Variants in RTN1 observed in about 807,000 individuals in gnomAD.
RTN1 encodes the protein reticulon-1.
RTN1 carries 25 observed loss-of-function variants against 65.5 expected under a neutral mutation model. The ratio of observed to expected loss-of-function variants is 0.38; its 90% CI spans 0.28 to 0.53. RTN1 has a LOEUF of 0.53. Ranked by LOEUF, RTN1 falls within the 20% of genes least tolerant of loss-of-function variation. The pLI is 0.79. For synonymous variants in RTN1, 471 were observed against 447.6 expected, an observed-to-expected ratio of 1.05 and a Z score of -0.66; for missense variants, 983 against 1,025.4, an observed-to-expected ratio of 0.96 and a Z score of 0.57.
intron 3 of RTN1, among the ~76,000 whole-genome samples, chr14:59,608,654 T>G (rs1881843458): frequency 6.6e-6 from 1 of 152,140 alleles, no homozygotes; most frequent in South Asian, 2.1e-4. Flanking sequence ...CCCAGCAATC[T>G]GAAGCCGGAG....
chr14:59,716,251 C>A (rs1884532311), intron 3 of RTN1, among the ~76,000 whole-genome samples: 2 of 152,230 alleles, frequency 1.3e-5, no homozygotes, highest in Non-Finnish European at 2.9e-5. Context: ...GAAAAAGACA[C>A]TGGCTGAAAA....
intron 3 of RTN1, among the ~76,000 whole-genome samples, chr14:59,617,579 T>C (rs548557995): frequency 5.3e-5 from 8 of 152,316 alleles, no homozygotes; most frequent in African/African-American, 1.9e-4. Context: ...AAATTATGAT[T>C]CAAAAGAAAA....
chr14:59,865,026 C>T (rs1322865441), intron 1 of RTN1, among the ~76,000 whole-genome samples: 4 of 151,914 alleles, frequency 2.6e-5, no homozygotes, highest in African/African-American at 9.7e-5. Context: ...TTGCAGAGTT[C>T]CTAGACATAG....
chr14:59,722,172 A>C (rs1327190221), intron 3 of RTN1, among the ~76,000 whole-genome samples: 2 of 152,228 alleles, frequency 1.3e-5, no homozygotes, highest in Non-Finnish European at 2.9e-5. Context: ...GTTCACACTC[A>C]ATGACATCAC....
Position 59,640,594 on chromosome 14 carries a change from C to T in RTN1, c.1766-33102G>A, listed in dbSNP as rs1479616476. Among the ~76,000 whole-genome samples, 5 of 152,144 alleles carry T rather than the reference C, an allele frequency of 3.3e-5. No homozygotes were observed. In the East Asian group the frequency reaches 5.8e-4, roughly 18 times the overall value. On this transcript the variant is annotated intron_variant, in intron 3 of 8. Coordinates refer to ENST00000267484, the MANE Select transcript of RTN1 (RefSeq NM_021136.3). ...CCTCCCAAAGTGCTGGGATTACAGG[C>T]GTGAGCCACCGTGCCTGGCCTGACT... is the stretch of plus-strand genomic sequence containing the variant.
intron 3 of RTN1, among the ~76,000 whole-genome samples, chr14:59,637,857 AT>A (rs767010873): frequency 5.9e-4 from 88 of 149,278 alleles, no homozygotes; most frequent in African/African-American, 1.7e-3. Context: ...TAGACTTACA[AT>A]TTTTTTTTTC....
At chr14:59,801,154 G>A (rs977401072) in intron 1 of RTN1, among the ~76,000 whole-genome samples, 3 of 152,068 alleles carry the variant, frequency 2.0e-5, no homozygotes, top group Admixed American at 2.0e-4. Flanking sequence ...GAAATACAAG[G>A]TAGAGCAAAA....
intron 5 of RTN1, 122 bp from the exon 6 acceptor site, chr14:59,604,043 T>C (rs1881666238): frequency 6.7e-6 from 4 of 595,226 alleles, no homozygotes; most frequent in East Asian, 3.2e-5. Context: ...CGATAGTCAA[T>C]GAAAGGCGTT....
chr14:59,711,668 A>G lies in RTN1; in HGVS notation c.1765+15251T>C, dbSNP rs558908288. Among the ~76,000 whole-genome samples, 6 of 152,378 alleles carry G rather than the reference A, an allele frequency of 3.9e-5. No individual in the cohort carries two copies. The South Asian group carries it at 1.2e-3, about 32-fold the overall frequency. On this transcript the variant is annotated intron_variant, in intron 3 of 8. Coordinates refer to ENST00000267484, the MANE Select transcript of RTN1 (RefSeq NM_021136.3). The stretch of plus-strand genomic sequence containing the variant: ...AGGCATCACTGTAAGCACTAGAGAT[A>G]CAGCAGTGAACAAAAGCCTGTGATC...
At position 59,749,164 on chromosome 14, in the gene RTN1, CTATATATCTATCTATA is replaced by C. The variant is rs1885305224; in HGVS notation, c.242-2699_242-2684del. 2.5e-5 allele frequency among the ~76,000 whole-genome samples: 2 copies of C among 80,162 alleles called. 1 individual carries two copies. The highest frequency in any genetic ancestry group is 1.5e-4 in the African/African-American group (2 of 13,420). 52.6% of individuals were successfully genotyped at this position (80,162 alleles called of 152,430 possible). ...TATCTATCTATCTATCTATATCTAT[CTATATATCTATCTATA>C]TATCTATCTATATATATCTATATAT... On this transcript the variant is annotated intron_variant, in intron 1 of 8. Coordinates refer to ENST00000267484, the MANE Select transcript of RTN1 (RefSeq NM_021136.3).
chr14:59,612,274 T>C (rs904442338), intron 3 of RTN1, among the ~76,000 whole-genome samples: 1 of 152,174 alleles, frequency 6.6e-6, no homozygotes, highest in Admixed American at 6.5e-5. Context: ...GTAAAGTGGC[T>C]GGAACCCCAC....
chr14:59,693,635 C>T (rs1884005505), intron 3 of RTN1, among the ~76,000 whole-genome samples: 1 of 152,194 alleles, frequency 6.6e-6, no homozygotes. Context: ...CAAGTTACTT[C>T]ACTTAGAATA....
At chr14:59,777,185 AT>A (rs971080095) in intron 1 of RTN1, among the ~76,000 whole-genome samples, 2 of 152,146 alleles carry the variant, frequency 1.3e-5, no homozygotes, top group Non-Finnish European at 2.9e-5. Flanking sequence ...ATACCGTGTT[AT>A]TGGAGAAGAG....
intron 3 of RTN1, among the ~76,000 whole-genome samples, chr14:59,685,113 A>T (rs1214156603): frequency 1.3e-5 from 2 of 152,172 alleles, no homozygotes; most frequent in African/African-American, 2.4e-5. Context: ...AAAAGCATTT[A>T]ATAAAACTTA....
chr14:59,816,451 CT>C lies in RTN1; in HGVS notation c.241+53938del, dbSNP rs1416059151. 2.6e-5 allele frequency among the ~76,000 whole-genome samples: 4 copies of C among 152,174 alleles called. No individual in the cohort carries two copies. Among genetic ancestry groups the C allele is most frequent in the Non-Finnish European group, 4.4e-5 (3 of 68,038 alleles). On this transcript the variant is annotated intron_variant, in intron 1 of 8. Transcript: ENST00000267484. The surrounding 1 kb of genome is among the most constrained non-coding windows in gnomAD (Gnocchi z 4.3). ...TCCTAGGAAACAAGAATGGAATCCT[CT>C]TTAGCTCTGTATCTCCAGCACTCAC...
intron 1 of RTN1, among the ~76,000 whole-genome samples, chr14:59,789,856 C>CA (rs1018579990): frequency 6.6e-6 from 1 of 151,316 alleles, no homozygotes; most frequent in South Asian, 2.1e-4. Flanking sequence ...TGATAGGTAT[C>CA]AAAAAAACAA....
intron 1 of RTN1, among the ~76,000 whole-genome samples, chr14:59,750,037 A>G (rs1885413582): frequency 2.5e-5 from 1 of 39,686 alleles, no homozygotes; most frequent in South Asian, 5.5e-4. Context: ...TTATATACAT[A>G]TATTATATAT....
At chr14:59,788,928 T>C (rs1184136663) in intron 1 of RTN1, among the ~76,000 whole-genome samples, 1 of 152,168 alleles carries the variant, frequency 6.6e-6, no homozygotes, top group Admixed American at 6.5e-5. Context: ...AACCTCTTTA[T>C]TTTATAATTT....
At position 59,709,538 on chromosome 14, in the gene RTN1, C is replaced by T. The variant is rs566881663; in HGVS notation, c.1765+17381G>A. On this transcript the variant is annotated intron_variant, in intron 3 of 8. Coordinates refer to ENST00000267484, the MANE Select transcript of RTN1 (RefSeq NM_021136.3). Reference sequence around the variant, plus strand: ...GGATGCACAACTACTTTAGAAAGCACGTCAATGGTGGATAAAATAGATGAA... The same window carrying T: ...GGATGCACAACTACTTTAGAAAGCATGTCAATGGTGGATAAAATAGATGAA... 7.2e-5 allele frequency among the ~76,000 whole-genome samples: 11 copies of T among 152,096 alleles called. No homozygotes were observed. The East Asian group carries it at 1.3e-3, about 19-fold the overall frequency.
Sources: gnomAD v4.1 joint callset for allele counts (sites outside exome capture counted in the v4.1 genomes callset) on GRCh38, gnomAD v4.1.1 for gene constraint, Gnocchi (gnomAD v3.1) non-coding constraint, MANE v1.5 for transcripts, NCBI Gene and HGNC (gene_info 2026-07-23, HGNC 2026-07-21) for gene names.